Variants in NUP93 observed in about 807,000 individuals in gnomAD.
NUP93 encodes the protein nucleoporin 93, also known as nuclear pore complex protein Nup93.
NUP93 carries 55 observed loss-of-function variants against 107.8 expected under a neutral mutation model. The ratio of observed to expected loss-of-function variants is 0.51; its 90% confidence interval spans 0.41 to 0.64. The LOEUF is 0.64. Ranked by LOEUF, NUP93 falls within the 30% of genes least tolerant of loss-of-function variation. The pLI, the probability that NUP93 is intolerant of heterozygous loss-of-function variation, is 0.00. For missense variants in NUP93, 937 were observed against 1,044.7 expected (o/e 0.90, Z 1.42); for synonymous variants, 390 against 397.5 (o/e 0.98, Z 0.22).
In NUP93 at chr16:56,845,862, C is replaced by G. The variant is rs1207330806; in HGVS notation, c.*1253C>G. ...ACCTTTTCTTTTGGGAAGAAATAAT[C>G]TGTAGATAATGGAACCAACTGCTGC... On this transcript the variant is annotated 3_prime_UTR_variant, in exon 22 of 22. Transcript: ENST00000308159. 1 of 152,178 alleles carries G rather than the reference C, an allele frequency of 6.6e-6. No individual in the cohort carries two copies. Among genetic ancestry groups the G allele is most frequent in the Non-Finnish European group, 1.5e-5 (1 of 68,024 alleles). 9.4% of individuals were successfully genotyped at this position (152,178 alleles called of 1,614,324 possible).
At chr16:56,838,501 C>T (rs1963957078) in intron 18 of NUP93, among the ~76,000 whole-genome samples, 1 of 152,160 alleles carries the variant, frequency 6.6e-6, no homozygotes, top group Non-Finnish European at 1.5e-5. Context: ...AAATAAACAC[C>T]ATTTTACACT....
At chr16:56,816,042 G>T (rs1567402831) in intron 5 of NUP93, among the ~76,000 whole-genome samples, 4 of 152,012 alleles carry the variant, frequency 2.6e-5, no homozygotes, top group Non-Finnish European at 5.9e-5. Flanking sequence ...GTAGCAAAGA[G>T]TACAGAGTGT....
At chr16:56,813,039 A>G (rs577211479) in intron 5 of NUP93, among the ~76,000 whole-genome samples, 23 of 152,360 alleles carry the variant, frequency 1.5e-4, no homozygotes, top group Non-Finnish European at 3.1e-4. Context: ...GACATAGTCT[A>G]TGAACAATCC....
chr16:56,732,059 G>A (rs1229006311), intron 1 of NUP93, among the ~76,000 whole-genome samples: 5 of 152,132 alleles, frequency 3.3e-5, no homozygotes, highest in Non-Finnish European at 7.3e-5. Flanking sequence ...TAGCCTCAGG[G>A]CATTTGTGCT....
chr16:56,794,982 T>C (rs1439554717), intron 3 of NUP93, among the ~76,000 whole-genome samples: 1 of 144,478 alleles, frequency 6.9e-6, no homozygotes, highest in Non-Finnish European at 1.5e-5. Flanking sequence ...CTGGTCATTA[T>C]TGACTGGGAA....
At chr16:56,826,308 T>TC (rs1421861313) in intron 8 of NUP93, among the ~76,000 whole-genome samples, 1 of 152,132 alleles carries the variant, frequency 6.6e-6, no homozygotes, top group Non-Finnish European at 1.5e-5. Context: ...GGTCAGGAGT[T>TC]CAAGACCAGC....
rs1227243689 is a variant in NUP93 at position 56,748,363 on chromosome 16, C to T, written c.116C>T (p.Ala39Val). 7.4e-6 allele frequency: 12 copies of T among 1,613,814 alleles called. No homozygotes were observed. In the Admixed American group the frequency reaches 8.3e-5, roughly 11 times the overall value. Reference protein sequence around the residue: ...VERNLQEIQQAGERLRSRTLT... With the variant: ...VERNLQEIQQVGERLRSRTLT... ...CGGAACTTACAGGAGATCCAGCAGG[C>T]GGGAGAGCGCCTGCGTTCCCGTACC... The change falls in exon 2 of 22, where the codon GCG becomes GTG. Residue 39 changes from alanine (A) to valine (V), a missense_variant. Transcript: ENST00000308159.
intron 2 of NUP93, among the ~76,000 whole-genome samples, chr16:56,748,920 T>C (rs1384993328): frequency 6.6e-6 from 1 of 152,168 alleles, no homozygotes; most frequent in Non-Finnish European, 1.5e-5. Flanking sequence ...TTGTTGTCAG[T>C]GACCCGGGAG....
intron 1 of NUP93, among the ~76,000 whole-genome samples, chr16:56,742,861 A>G (rs1208614673): frequency 3.9e-5 from 6 of 152,252 alleles, no homozygotes; most frequent in Non-Finnish European, 5.9e-5. Flanking sequence ...TTGAGAGTCC[A>G]TAAGCCCTGA....
intron 21 of NUP93, 71 bp downstream of exon 21, chr16:56,841,904 A>T: frequency 1.3e-6 from 2 of 1,569,144 alleles, no homozygotes; most frequent in Admixed American, 1.8e-5. Context: ...TTGCGCTCTT[A>T]TGAGACCACA....
chr16:56,847,538 A>G lies in NUP93; in HGVS notation c.*2929A>G, dbSNP rs1272319396. Reference sequence around the variant, plus strand: ...TGTTCCTGTCTCAGAATGGCTCATAATAAACTCACTGAAACACTCAAAGGA... The same window carrying G: ...TGTTCCTGTCTCAGAATGGCTCATAGTAAACTCACTGAAACACTCAAAGGA... On this transcript the variant is annotated 3_prime_UTR_variant, in exon 22 of 22. Coordinates refer to ENST00000308159, the MANE Select transcript of NUP93 (RefSeq NM_014669.5). The G allele has an allele frequency of 1.3e-5, 2 of 152,206 alleles. No homozygotes were observed. The highest frequency in any genetic ancestry group is 2.9e-5 in the Non-Finnish European group (2 of 68,038). The allele number at this position is 152,206 out of a possible 1,614,324, so 9.4% of individuals were successfully genotyped here. A position where few individuals can be genotyped will look rare whatever the true frequency, so the allele number is the denominator to read the frequency against.
chr16:56,827,068 A>T (rs1008101241), intron 8 of NUP93, among the ~76,000 whole-genome samples: 1 of 143,552 alleles, frequency 7.0e-6, no homozygotes, highest in African/African-American at 2.6e-5. Flanking sequence ...AAAAAAAAAA[A>T]ATTTTGTTGA....
chr16:56,779,623 A>G (rs1596793088), intron 3 of NUP93, among the ~76,000 whole-genome samples: 1 of 152,326 alleles, frequency 6.6e-6, no homozygotes, highest in South Asian at 2.1e-4. Flanking sequence ...ACTTCTGCTC[A>G]GAGGTCCTTT....
chr16:56,837,253 G>A (rs929061963), intron 17 of NUP93, among the ~76,000 whole-genome samples: 1 of 152,168 alleles, frequency 6.6e-6, no homozygotes, highest in East Asian at 1.9e-4. Flanking sequence ...TTTATCAACT[G>A]AGAAAAGTAG....
intron 8 of NUP93, among the ~76,000 whole-genome samples, chr16:56,825,759 C>T (rs1963645485): frequency 6.6e-6 from 1 of 152,118 alleles, no homozygotes; most frequent in South Asian, 2.1e-4. Context: ...ATTTCCTGTT[C>T]ATAATTGTAA....
At position 56,847,906 on chromosome 16, in the gene NUP93, G is replaced by A. The variant is rs1485457579; in HGVS notation, c.*3297G>A. Reference sequence around the variant, plus strand: ...ATGCATCATTTAAATCCTAGAACAGGCAGCTTTAAAGCAAAGAACTACAGA... The same window carrying A: ...ATGCATCATTTAAATCCTAGAACAGACAGCTTTAAAGCAAAGAACTACAGA... On this transcript the variant is annotated 3_prime_UTR_variant, in exon 22 of 22. Transcript: ENST00000308159. 1.3e-5 allele frequency: 2 copies of A among 152,104 alleles called. No homozygotes were observed. Among genetic ancestry groups the A allele is most frequent in the African/African-American group, 4.8e-5 (2 of 41,408 alleles). The allele number at this position is 152,104 out of a possible 1,614,324, so 9.4% of individuals were successfully genotyped here. A position where few individuals can be genotyped will look rare whatever the true frequency, so the allele number is the denominator to read the frequency against.
rs938486104 is a variant in NUP93, at chr16:56,849,078, C to T, written c.*4469C>T. 1 of 152,266 alleles carries T rather than the reference C, an allele frequency of 6.6e-6. No homozygotes were observed. Among genetic ancestry groups the T allele is most frequent in the African/African-American group, 2.4e-5 (1 of 41,450 alleles). The allele number at this position is 152,266 out of a possible 1,614,324, so 9.4% of individuals were successfully genotyped here. A position where few individuals can be genotyped will look rare whatever the true frequency, so the allele number is the denominator to read the frequency against. On this transcript the variant is annotated 3_prime_UTR_variant, in exon 22 of 22. Coordinates refer to ENST00000308159, the MANE Select transcript of NUP93 (RefSeq NM_014669.5). The stretch of plus-strand genomic sequence containing the variant: ...TGAATGAGCAGATGCTTTGCTTTGT[C>T]CTCCTGTGCCAGGCTCCTCCCCACA...
rs1266076072 is a variant in NUP93, at chr16:56,848,330, G to T, written c.*3721G>T. The stretch of plus-strand genomic sequence containing the variant: ...TCAGCTGGGAAAGGAATTGAGCCCT[G>T]TGTCAGCAAATTGGGAGAAAGTGTT... On this transcript the variant is annotated 3_prime_UTR_variant, in exon 22 of 22. Coordinates refer to ENST00000308159, the MANE Select transcript of NUP93 (RefSeq NM_014669.5). The T allele has an allele frequency of 6.6e-6, 1 of 152,242 alleles. No individual in the cohort carries two copies. The highest frequency in any genetic ancestry group is 2.4e-5 in the African/African-American group (1 of 41,462). 9.4% of individuals were successfully genotyped at this position (152,242 alleles called of 1,614,324 possible). A position where few individuals can be genotyped will look rare whatever the true frequency, so the allele number is the denominator to read the frequency against.
At chr16:56,804,861 G>C (rs576769251) in intron 4 of NUP93, among the ~76,000 whole-genome samples, 1 of 150,676 alleles carries the variant, frequency 6.6e-6, no homozygotes, top group Non-Finnish European at 1.5e-5. Context: ...AGCCGAGATC[G>C]TGCCACTGCG....
Sources: allele counts gnomAD v4.1 joint callset (sites outside exome capture counted in the v4.1 genomes callset), GRCh38; gene constraint gnomAD v4.1.1; transcripts MANE v1.5; gene names NCBI Gene and HGNC (gene_info 2026-07-23, HGNC 2026-07-21).